Variants in CDC42SE2 observed in about 807,000 individuals in gnomAD.
The protein encoded by CDC42SE2 is CDC42 small effector 2.
Under a neutral mutation model 11.5 loss-of-function variants are expected in CDC42SE2, and 3 were observed. The ratio of observed to expected loss-of-function variants is 0.26; its 90% CI spans 0.12 to 0.67. The LOEUF is 0.67. Among genes scored for constraint, CDC42SE2 ranks in the 30% least tolerant of loss-of-function variants. The pLI, the probability that CDC42SE2 is intolerant of heterozygous loss-of-function variation, is 0.80. For missense variants in CDC42SE2, 82 were observed against 106.8 expected, an observed-to-expected ratio of 0.77 and a Z score of 1.02; for synonymous variants, 33 against 34.8, an observed-to-expected ratio of 0.95 and a Z score of 0.18.
At chr5:131,227,359 G>T in the CDC42SE2 span, among the ~76,000 whole-genome samples, 2 of 152,222 alleles carry the variant, frequency 1.3e-5, no homozygotes, top group South Asian at 4.1e-4. Context: ...GGTTGGCGAG[G>T]TACAGTGGCT....
chr5:131,347,261 TAAA>T (rs1052411538), intron 2 of CDC42SE2, among the ~76,000 whole-genome samples: 4 of 151,456 alleles, frequency 2.6e-5, no homozygotes, highest in Admixed American at 6.6e-5. Context: ...GCAAGACTAA[TAAA>T]GAAGAAAAGA....
intron 4 of CDC42SE2, among the ~76,000 whole-genome samples, chr5:131,388,568 G>A (rs571270240): frequency 9.2e-5 from 14 of 152,134 alleles, no homozygotes; most frequent in African/African-American, 3.4e-4. Flanking sequence ...TTTACTTAGT[G>A]TAAAAGACTC....
intron 2 of CDC42SE2, among the ~76,000 whole-genome samples, chr5:131,327,933 T>C (rs1580756141): frequency 6.6e-6 from 1 of 152,202 alleles, no homozygotes; most frequent in Non-Finnish European, 1.5e-5. Flanking sequence ...TAATTTATAA[T>C]GAACCAGAAG....
chr5:131,292,267 A>T (rs1757473213), intron 1 of CDC42SE2, among the ~76,000 whole-genome samples: 1 of 140,686 alleles, frequency 7.1e-6, no homozygotes, highest in Non-Finnish European at 1.5e-5. Context: ...AAAAAAAAAG[A>T]TAATAATAAT....
chr5:131,254,189 CG>C (rs1756661933), intron 1 of CDC42SE2, among the ~76,000 whole-genome samples: 2 of 152,132 alleles, frequency 1.3e-5, no homozygotes, highest in South Asian at 4.1e-4. Flanking sequence ...TCCCCAGCCC[CG>C]CACCTCCCCC....
intron 1 of CDC42SE2, among the ~76,000 whole-genome samples, chr5:131,265,664 C>T (rs868234945): frequency 6.6e-6 from 1 of 152,146 alleles, no homozygotes; most frequent in Non-Finnish European, 1.5e-5. Context: ...GGCAGGTGAA[C>T]TGCAGGAAGT....
At chr5:131,347,120 TAGA>T (rs965884648) in intron 2 of CDC42SE2, among the ~76,000 whole-genome samples, 1 of 152,078 alleles carries the variant, frequency 6.6e-6, no homozygotes, top group Non-Finnish European at 1.5e-5. Flanking sequence ...ATTCAAAAGC[TAGA>T]AGAAGGCAAG....
chr5:131,327,679 A>T (rs1305699352), intron 2 of CDC42SE2, among the ~76,000 whole-genome samples: 1 of 152,224 alleles, frequency 6.6e-6, no homozygotes. Context: ...TTATTTGACT[A>T]CAACACACAA....
At chr5:131,303,273 T>G (rs1468080030) in intron 1 of CDC42SE2, among the ~76,000 whole-genome samples, 1 of 152,246 alleles carries the variant, frequency 6.6e-6, no homozygotes, top group Non-Finnish European at 1.5e-5. Flanking sequence ...CTGACAGATC[T>G]GTATTTCTTT....
intron 1 of CDC42SE2, among the ~76,000 whole-genome samples, chr5:131,281,616 G>A (rs1411994694): frequency 6.6e-6 from 1 of 152,132 alleles, no homozygotes; most frequent in African/African-American, 2.4e-5. Flanking sequence ...TGTGAACAGT[G>A]ACCTTGTTTT....
the CDC42SE2 span, among the ~76,000 whole-genome samples, chr5:131,220,441 G>A: frequency 2.0e-5 from 3 of 151,996 alleles, no homozygotes; most frequent in Non-Finnish European, 2.9e-5. Flanking sequence ...TCCTGACCTC[G>A]TGATCCGCCC....
rs144516784 is a variant in CDC42SE2, at chr5:131,359,771, G to A, written c.54+224G>A. On this transcript the variant is annotated intron_variant, in intron 3 of 4. Transcript: ENST00000505065. ...CCTAGACCATTCATCGTACATGACT[G>A]AGAGGAGGTGTTCTTCTGTCAAATA... is the stretch of plus-strand genomic sequence containing the variant. Among the ~76,000 whole-genome samples the A allele has an allele frequency of 1.1e-3, 168 of 152,326 alleles. 2 individuals are homozygous for A. The South Asian group carries it at 0.017, about 15-fold the overall frequency.
chr5:131,378,011 C>T (rs987201943), intron 3 of CDC42SE2, among the ~76,000 whole-genome samples: 1 of 152,148 alleles, frequency 6.6e-6, no homozygotes, highest in African/African-American at 2.4e-5. Context: ...GCTACTGTTA[C>T]AGAACTCTTA....
chr5:131,297,679 C>T (rs1030461337), intron 1 of CDC42SE2, among the ~76,000 whole-genome samples: 10 of 151,922 alleles, frequency 6.6e-5, no homozygotes, highest in African/African-American at 2.4e-4. Flanking sequence ...AAGATTGTGC[C>T]ACTGCACTCC....
chr5:131,226,770 G>A, the CDC42SE2 span, among the ~76,000 whole-genome samples: 1 of 152,178 alleles, frequency 6.6e-6, no homozygotes. Flanking sequence ...GGCATGTTTA[G>A]TTGGAATAGA....
At chr5:131,233,688 A>G in the CDC42SE2 span, among the ~76,000 whole-genome samples, 2 of 152,192 alleles carry the variant, frequency 1.3e-5, no homozygotes, top group African/African-American at 4.8e-5. Context: ...TTTAGTGAAT[A>G]TATTTGTATA....
At chr5:131,210,919 A>G in the CDC42SE2 span, among the ~76,000 whole-genome samples, 1 of 152,130 alleles carries the variant, frequency 6.6e-6, no homozygotes, top group East Asian at 1.9e-4. Flanking sequence ...GCTCACTGCA[A>G]CCTCTGCCTC....
chr5:131,293,134 A>G (rs555824292), intron 1 of CDC42SE2, among the ~76,000 whole-genome samples: 1 of 152,052 alleles, frequency 6.6e-6, no homozygotes, highest in African/African-American at 2.4e-5. Context: ...CTAACCCGCA[A>G]CGTGATGGTA....
the CDC42SE2 span, among the ~76,000 whole-genome samples, chr5:131,237,818 G>A: frequency 8.5e-5 from 13 of 152,050 alleles, no homozygotes; most frequent in Admixed American, 8.5e-4. Context: ...CAAACTCCTA[G>A]CCTCAAGTGA....
Sources: allele counts gnomAD v4.1 joint callset (sites outside exome capture counted in the v4.1 genomes callset), GRCh38; gene constraint gnomAD v4.1.1; transcripts MANE v1.5; gene names NCBI Gene and HGNC (gene_info 2026-07-23, HGNC 2026-07-21).